Variants in LDLRAD4 observed in about 807,000 individuals in gnomAD.
LDLRAD4 encodes low density lipoprotein receptor class A domain containing 4.
Under a neutral mutation model 17.0 loss-of-function variants are expected in LDLRAD4, and 5 were observed. The observed-to-expected ratio is 0.29, with a 90% confidence interval of 0.15 to 0.62. The LOEUF (loss-of-function observed/expected upper bound fraction) is 0.62, where lower values mean the gene tolerates loss of function less well. Ranked by LOEUF, LDLRAD4 falls within the 20% of genes least tolerant of loss-of-function variation. The pLI, the probability that LDLRAD4 is intolerant of heterozygous loss-of-function variation, is 0.84. For synonymous variants in LDLRAD4, 168 were observed against 171.8 expected (o/e 0.98, Z 0.17); for missense variants, 340 against 424.7 (o/e 0.80, Z 1.75).
intron 3 of LDLRAD4, among the ~76,000 whole-genome samples, chr18:13,473,774 C>T (rs995391999): frequency 2.7e-5 from 4 of 150,260 alleles, no homozygotes; most frequent in East Asian, 3.9e-4. Flanking sequence ...TTTTGAGAGA[C>T]GCAACCTCAG....
intron 1 of LDLRAD4, among the ~76,000 whole-genome samples, chr18:13,349,790 C>T (rs1436111113): frequency 6.6e-6 from 1 of 152,084 alleles, no homozygotes; most frequent in East Asian, 1.9e-4. Flanking sequence ...TCTCACCCCC[C>T]ACCCCCCAAC....
rs572316997 is a variant in LDLRAD4, at chr18:13,643,596, A to C, written c.390+184A>C. Reference sequence around the variant, plus strand: ...GAGGGGACTTCCCCTAGAATCTTCCAGGGATTATTCCTGCTAGTCTAAAGC... The same window carrying C: ...GAGGGGACTTCCCCTAGAATCTTCCCGGGATTATTCCTGCTAGTCTAAAGC... On this transcript the variant is annotated intron_variant, in intron 5 of 5. Transcript: ENST00000359446. 3.3e-5 allele frequency among the ~76,000 whole-genome samples: 5 copies of C among 152,352 alleles called. No individual in the cohort carries two copies. In the South Asian group the frequency reaches 1.0e-3, roughly 32 times the overall value.
At chr18:13,399,894 AC>A (rs1371190684) in intron 2 of LDLRAD4, among the ~76,000 whole-genome samples, 5 of 152,234 alleles carry the variant, frequency 3.3e-5, no homozygotes, top group African/African-American at 1.2e-4. Context: ...CGATTTCCCC[AC>A]AGGAAGACCC....
intron 3 of LDLRAD4, among the ~76,000 whole-genome samples, chr18:13,467,870 C>T (rs1421154851): frequency 6.6e-6 from 1 of 152,142 alleles, no homozygotes; most frequent in Non-Finnish European, 1.5e-5. Flanking sequence ...GATAAGGGCT[C>T]CAAGTCCATT....
intron 1 of LDLRAD4, among the ~76,000 whole-genome samples, chr18:13,342,183 G>GT (rs985397130): frequency 5.3e-5 from 8 of 152,016 alleles, no homozygotes; most frequent in Non-Finnish European, 1.0e-4. Context: ...AGAAATATTG[G>GT]TTTGTAGTTT....
intron 1 of LDLRAD4, among the ~76,000 whole-genome samples, chr18:13,255,646 G>A (rs1019751578): frequency 6.6e-6 from 1 of 152,170 alleles, no homozygotes; most frequent in Non-Finnish European, 1.5e-5. Context: ...GAGGGTCAGG[G>A]TCTCTGGGGA....
At chr18:13,395,913 C>T (rs2086655348) in intron 2 of LDLRAD4, among the ~76,000 whole-genome samples, 1 of 152,144 alleles carries the variant, frequency 6.6e-6, no homozygotes, top group Non-Finnish European at 1.5e-5. Context: ...GCCCTGCCAC[C>T]TGCCTGTGCT....
rs570366926 is a variant in LDLRAD4, at chr18:13,272,141, G to A, written c.-466-5964G>A. 3.9e-5 allele frequency among the ~76,000 whole-genome samples: 6 copies of A among 152,170 alleles called. No homozygotes were observed. The East Asian group carries it at 5.8e-4, about 15-fold the overall frequency. On this transcript the variant is annotated intron_variant, in intron 1 of 5. Coordinates refer to the LDLRAD4 transcript ENST00000399848. ...GATCTCTTGACCTCGTGATCCACCC[G>A]CCTCAGCCTCCCAAAGTGCTGGGAT...
At chr18:13,356,312 G>A (rs1340845213) in intron 1 of LDLRAD4, among the ~76,000 whole-genome samples, 2 of 152,224 alleles carry the variant, frequency 1.3e-5, no homozygotes, top group South Asian at 4.1e-4. Flanking sequence ...GCAGGCGCCC[G>A]CAGCTCTTGG....
chr18:13,505,783 A>T (rs1012061525), intron 3 of LDLRAD4, among the ~76,000 whole-genome samples: 1 of 152,228 alleles, frequency 6.6e-6, no homozygotes, highest in Non-Finnish European at 1.5e-5. Context: ...GCACCACTGC[A>T]TTCCAGTCTG....
At chr18:13,631,948 TA>T (rs1393264809) in intron 4 of LDLRAD4, among the ~76,000 whole-genome samples, 2 of 151,948 alleles carry the variant, frequency 1.3e-5, no homozygotes, top group Non-Finnish European at 2.9e-5. Context: ...TAATACTAAA[TA>T]AAAATTAAAT....
At chr18:13,485,353 G>A (rs2093196269) in intron 3 of LDLRAD4, among the ~76,000 whole-genome samples, 2 of 152,288 alleles carry the variant, frequency 1.3e-5, no homozygotes, top group Admixed American at 6.5e-5. Context: ...CTGAGTGAGG[G>A]GCTCGGCCTC....
At chr18:13,343,071 G>A (rs1438388722) in intron 1 of LDLRAD4, among the ~76,000 whole-genome samples, 1 of 151,582 alleles carries the variant, frequency 6.6e-6, no homozygotes, top group Non-Finnish European at 1.5e-5. Context: ...TAAATCTATT[G>A]TTTCCTAAAA....
At chr18:13,394,626 GGA>G (rs1396356452) in intron 2 of LDLRAD4, among the ~76,000 whole-genome samples, 2 of 152,186 alleles carry the variant, frequency 1.3e-5, no homozygotes, top group Non-Finnish European at 2.9e-5. Context: ...CATCCTGCAG[GGA>G]GACTTCGTGA....
rs116385691 is a variant in LDLRAD4, at chr18:13,342,729, C to T, written c.-382-44612C>T. On this transcript the variant is annotated intron_variant, in intron 1 of 5. Coordinates refer to ENST00000359446, the Ensembl canonical transcript of LDLRAD4. ...CTTTCACTTTCAACCTGTATGTGTC[C>T]TTAGATCCAAAGTTAGTCTCTTTTA... Among the ~76,000 whole-genome samples, 1,427 of 151,686 alleles carry T rather than the reference C, an allele frequency of 9.4e-3. 13 individuals carry two copies. Among genetic ancestry groups the T allele is most frequent in the African/African-American group, 0.033 (1,359 of 41,400 alleles).
intron 2 of LDLRAD4, among the ~76,000 whole-genome samples, chr18:13,399,117 A>G (rs1172785255): frequency 6.6e-6 from 1 of 151,852 alleles, no homozygotes; most frequent in Non-Finnish European, 1.5e-5. Flanking sequence ...AGGAGGCTTG[A>G]GCCTTGGAGT....
At chr18:13,253,150 G>A (rs774209362) in intron 1 of LDLRAD4, among the ~76,000 whole-genome samples, 2 of 152,188 alleles carry the variant, frequency 1.3e-5, no homozygotes, top group Non-Finnish European at 2.9e-5. Flanking sequence ...GGTGGTGGTG[G>A]TGGTGGGCAT....
At chr18:13,257,748 C>T (rs2043585983) in intron 1 of LDLRAD4, among the ~76,000 whole-genome samples, 1 of 152,202 alleles carries the variant, frequency 6.6e-6, no homozygotes, top group African/African-American at 2.4e-5. Flanking sequence ...CTCCTAGCAT[C>T]TAGTGGGGAG....
At chr18:13,479,291 T>C (rs1289689103) in intron 3 of LDLRAD4, among the ~76,000 whole-genome samples, 1 of 152,166 alleles carries the variant, frequency 6.6e-6, no homozygotes, top group Admixed American at 6.5e-5. Flanking sequence ...TTCATTAAAA[T>C]TAAACATTTC....
Sources: gnomAD v4.1 joint callset for allele counts (sites outside exome capture counted in the v4.1 genomes callset) on GRCh38, gnomAD v4.1.1 for gene constraint, MANE v1.5 for transcripts, NCBI Gene and HGNC (gene_info 2026-07-23, HGNC 2026-07-21) for gene names.